Variants in PPP2R2C observed in about 807,000 individuals in gnomAD.
PPP2R2C encodes the protein protein phosphatase 2, regulatory subunit B, gamma.
In PPP2R2C, 10 loss-of-function variants were observed where a neutral mutation model predicts 45.3. That is an observed-to-expected ratio of 0.22 (90% confidence interval 0.14 to 0.37). PPP2R2C has a LOEUF of 0.37. Among genes scored for constraint, PPP2R2C ranks in the 10% least tolerant of loss-of-function variants. The pLI, the probability that PPP2R2C is intolerant of heterozygous loss-of-function variation, is 1.00. For missense variants in PPP2R2C, 308 were observed against 619.7 expected, an observed-to-expected ratio of 0.50 and a Z score of 5.34; for synonymous variants, 257 against 245.4, an observed-to-expected ratio of 1.05 and a Z score of -0.44.
At chr4:6,510,984 AAAAAACAAACAAAC>A (rs1038901026) in intron 2 of PPP2R2C, among the ~76,000 whole-genome samples, 9 of 94,294 alleles carry the variant, frequency 9.5e-5, no homozygotes, top group African/African-American at 2.7e-4. Flanking sequence ...CTCAAACAAA[AAAAAACAAACAAAC>A]AAAAAAAAAA....
At chr4:6,511,703 T>C (rs1577229843) in intron 2 of PPP2R2C, among the ~76,000 whole-genome samples, 1 of 66,108 alleles carries the variant, frequency 1.5e-5, no homozygotes, top group East Asian at 3.6e-4. Context: ...GTGGTGATGG[T>C]GGTGGAGGTG....
At chr4:6,433,920 G>A (rs1441423452) in intron 1 of PPP2R2C, among the ~76,000 whole-genome samples, 13 of 152,190 alleles carry the variant, frequency 8.5e-5, no homozygotes, top group Admixed American at 8.5e-4. Flanking sequence ...CTTTGGTTAA[G>A]AAATGAGTAT....
At chr4:6,358,628 GA>G (rs1175549241) in intron 5 of PPP2R2C, among the ~76,000 whole-genome samples, 2 of 112,432 alleles carry the variant, frequency 1.8e-5, no homozygotes, top group African/African-American at 5.9e-5. Context: ...AATCTACAAA[GA>G]ACTTAAACAA....
At chr4:6,537,386 C>T (rs1341330227) in intron 1 of PPP2R2C, among the ~76,000 whole-genome samples, 1 of 152,052 alleles carries the variant, frequency 6.6e-6, no homozygotes, top group Admixed American at 6.6e-5. Flanking sequence ...TTTCAGTTCA[C>T]CTCTTCTGTT....
chr4:6,413,097 T>C (rs1009067758), intron 1 of PPP2R2C, among the ~76,000 whole-genome samples: 1 of 151,942 alleles, frequency 6.6e-6, no homozygotes, highest in Admixed American at 6.5e-5. Flanking sequence ...ACTTACACAG[T>C]CATTTTCTTA....
In PPP2R2C at chr4:6,487,673, T is replaced by C. The variant is rs1722570420; in HGVS notation, c.49+47598A>G. 2.0e-5 allele frequency among the ~76,000 whole-genome samples: 3 copies of C among 152,122 alleles called. No homozygotes were observed. The South Asian group carries it at 6.2e-4, about 31-fold the overall frequency. On this transcript the variant is annotated intron_variant, in intron 2 of 9. Transcript: ENST00000506140. ...TTTATTATTTTGGGCAATTTAATTA[T>C]AATGTGCCTTAGTGTGGTTTTTTCC...
At chr4:6,372,432 A>G (rs1714910846) in intron 5 of PPP2R2C, 91 bp downstream of exon 5, 1 of 1,405,822 alleles carries the variant, frequency 7.1e-7, no homozygotes, top group African/African-American at 1.4e-5. Context: ...GCCATCCCCA[A>G]ACCAGCTGTC....
intron 5 of PPP2R2C, among the ~76,000 whole-genome samples, chr4:6,353,370 A>C (rs1577096586): frequency 1.2e-4 from 2 of 16,436 alleles, no homozygotes; most frequent in Non-Finnish European, 2.2e-4. Flanking sequence ...CAGCCCCCCA[A>C]CCAACAGCCC....
At chr4:6,514,003 G>T (rs1317303737) in intron 2 of PPP2R2C, among the ~76,000 whole-genome samples, 1 of 152,228 alleles carries the variant, frequency 6.6e-6, no homozygotes, top group Non-Finnish European at 1.5e-5. Context: ...TACAGATGGG[G>T]TGTATAATTG....
chr4:6,356,804 T>C (rs959771706), intron 5 of PPP2R2C, among the ~76,000 whole-genome samples: 2 of 152,190 alleles, frequency 1.3e-5, no homozygotes, highest in Non-Finnish European at 2.9e-5. Flanking sequence ...TCAGCCTCTC[T>C]GGACTCTGCG....
In PPP2R2C at chr4:6,527,379, C is replaced by G. The variant is rs370750992; in HGVS notation, c.49+7892G>C. ...AAACCCACAGAGCTGCTGTGCACCC[C>G]TGAGCAGTGCCAGGCGGAACAGAAC... On this transcript the variant is annotated intron_variant, in intron 2 of 9. Transcript: ENST00000506140. Among the ~76,000 whole-genome samples, 2 of 152,266 alleles carry G rather than the reference C, an allele frequency of 1.3e-5. 1 individual carries two copies. Among genetic ancestry groups the G allele is most frequent in the East Asian group, 3.9e-4 (2 of 5,166 alleles).
chr4:6,394,836 G>A (rs918118635), intron 1 of PPP2R2C, among the ~76,000 whole-genome samples: 1 of 152,242 alleles, frequency 6.6e-6, no homozygotes, highest in African/African-American at 2.4e-5. Context: ...CTGGTGACAA[G>A]AACACCTCTC....
intron 1 of PPP2R2C, among the ~76,000 whole-genome samples, chr4:6,409,387 T>C (rs1045348752): frequency 2.6e-5 from 4 of 152,068 alleles, no homozygotes; most frequent in Non-Finnish European, 4.4e-5. Context: ...TCCAGGATGG[T>C]GTCAGTGAGC....
intron 5 of PPP2R2C, among the ~76,000 whole-genome samples, chr4:6,358,879 G>A (rs1238539636): frequency 3.9e-5 from 6 of 152,262 alleles, no homozygotes; most frequent in East Asian, 1.9e-4. Flanking sequence ...AAATAGGAAC[G>A]CTTTTACACT....
intron 1 of PPP2R2C, among the ~76,000 whole-genome samples, chr4:6,557,302 G>A (rs186428661): frequency 4.7e-4 from 71 of 151,962 alleles, no homozygotes; most frequent in African/African-American, 1.6e-3. Context: ...ACAACAACAG[G>A]AACTATGAGC....
At chr4:6,403,451 C>A (rs113315869) in intron 1 of PPP2R2C, among the ~76,000 whole-genome samples, 1 of 152,182 alleles carries the variant, frequency 6.6e-6, no homozygotes, top group Non-Finnish European at 1.5e-5. Context: ...CTGTTTACAG[C>A]GGGGTGAGGC....
intron 1 of PPP2R2C, among the ~76,000 whole-genome samples, chr4:6,469,385 G>A (rs1252677139): frequency 6.6e-6 from 1 of 152,182 alleles, no homozygotes; most frequent in East Asian, 1.9e-4. Context: ...GCTGGGGTGT[G>A]GTGGGGGAGT....
At chr4:6,424,480 G>A (rs1390507141) in intron 1 of PPP2R2C, among the ~76,000 whole-genome samples, 1 of 152,210 alleles carries the variant, frequency 6.6e-6, no homozygotes, top group African/African-American at 2.4e-5. Flanking sequence ...GGGGCACTGA[G>A]GGGTGACCAT....
chr4:6,378,197 G>C lies in PPP2R2C; in HGVS notation c.334+210C>G, dbSNP rs529550807. 10 of 603,052 alleles carry C rather than the reference G, an allele frequency of 1.7e-5. No individual in the cohort carries two copies. The highest frequency in any genetic ancestry group is 2.1e-5 in the Non-Finnish European group (10 of 480,974). The allele number at this position is 603,052 out of a possible 1,614,324, so 37.4% of individuals were successfully genotyped here. A position where few individuals can be genotyped will look rare whatever the true frequency, so the allele number is the denominator to read the frequency against. On this transcript the variant is annotated intron_variant, in intron 3 of 8. Coordinates refer to ENST00000382599, the MANE Select transcript of PPP2R2C (RefSeq NM_020416.4). The surrounding 1 kb of genome is among the most constrained non-coding windows in gnomAD (Gnocchi z 5.2). ...TGGGATTTACATGCTGCTCAAAAAGGGGGGCAGCCCTGTGTCCAGACACAG... is the reference window on the plus strand; with the variant it reads ...TGGGATTTACATGCTGCTCAAAAAGCGGGGCAGCCCTGTGTCCAGACACAG...
Sources: gnomAD v4.1 joint callset for allele counts (sites outside exome capture counted in the v4.1 genomes callset) on GRCh38, gnomAD v4.1.1 for gene constraint, Gnocchi (gnomAD v3.1) non-coding constraint, MANE v1.5 for transcripts, NCBI Gene and HGNC (gene_info 2026-07-23, HGNC 2026-07-21) for gene names.